ADAM12: variants seen among roughly 807,000 people sequenced by gnomAD.
ADAM12 encodes disintegrin and metalloproteinase domain-containing protein 12.
Under a neutral mutation model 106.4 loss-of-function variants are expected in ADAM12, and 70 were observed. The ratio of observed to expected loss-of-function variants is 0.66; its 90% CI spans 0.54 to 0.80. The LOEUF (loss-of-function observed/expected upper bound fraction) is 0.80. Ranked by LOEUF, ADAM12 falls within the 30% of genes least tolerant of loss-of-function variation. The pLI is 0.00. For missense variants in ADAM12, 1,010 were observed against 1,171.9 expected (o/e 0.86, Z 2.02); for synonymous variants, 420 against 433.5 (o/e 0.97, Z 0.39).
intron 3 of ADAM12, among the ~76,000 whole-genome samples, chr10:126,188,547 CTG>C (rs1443641967): frequency 6.6e-6 from 1 of 152,136 alleles, no homozygotes; most frequent in African/African-American, 2.4e-5. Context: ...AAGGCCTTGT[CTG>C]TGTGTGAACT....
rs199803722 is a variant in ADAM12 at position 126,038,342 on chromosome 10, G to T, written c.2248C>A (p.Arg750Ser). Residue 750 changes from arginine to serine, a missense_variant, in exon 20 of 23, where the codon CGC becomes AGC. This residue lies in a region of ADAM12 where 615 missense variants were observed against 708.5 expected (regional missense o/e 0.87). Transcript: ENST00000448723. ...AAGCCACGGGGTGGCCGGGAAGGGC[G>T]CACACACCTGCAACAGAATCCCATA... ...KTTIEKLRCV[R>S]PSRPPRGFQP... is the part of the protein sequence containing the mutation. The T allele has an allele frequency of 6.3e-7, 1 of 1,588,410 alleles. No homozygotes were observed. The highest frequency in any genetic ancestry group is 8.6e-7 in the Non-Finnish European group (1 of 1,166,172).
chr10:126,369,080 A>G (rs949273688), intron 1 of ADAM12, among the ~76,000 whole-genome samples: 2 of 152,224 alleles, frequency 1.3e-5, no homozygotes, highest in African/African-American at 2.4e-5. Context: ...ACTAATATAT[A>G]CTAACTACCT....
intron 20 of ADAM12, among the ~76,000 whole-genome samples, chr10:126,037,281 TGTGC>T (rs1954077046): frequency 6.4e-5 from 7 of 109,498 alleles, no homozygotes; most frequent in Admixed American, 4.4e-4. Context: ...AAAATAAGGC[TGTGC>T]TTTTTTTTTT....
At chr10:126,264,707 T>C (rs1293730711) in intron 3 of ADAM12, among the ~76,000 whole-genome samples, 2 of 152,198 alleles carry the variant, frequency 1.3e-5, no homozygotes, top group Non-Finnish European at 2.9e-5. Context: ...AGCCTGCTTG[T>C]GAATGAAACG....
chr10:126,313,340 C>A (rs138679525), intron 2 of ADAM12, among the ~76,000 whole-genome samples: 53 of 152,344 alleles, frequency 3.5e-4, no homozygotes, highest in African/African-American at 1.2e-3. Flanking sequence ...CTTCTGCCTT[C>A]TTCTATTGGT....
intron 21 of ADAM12, among the ~76,000 whole-genome samples, chr10:126,023,909 A>G (rs1281387297): frequency 1.1e-4 from 6 of 52,772 alleles, no homozygotes; most frequent in African/African-American, 4.2e-4. Context: ...GAACTCATGG[A>G]AAAAAAAAAA....
chr10:126,187,476 G>A (rs1314017342), intron 3 of ADAM12, among the ~76,000 whole-genome samples: 2 of 152,314 alleles, frequency 1.3e-5, no homozygotes. Context: ...GGGGTGCCCA[G>A]CAAGTGGCTG....
chr10:126,245,513 C>A (rs1013626392), intron 3 of ADAM12, among the ~76,000 whole-genome samples: 1 of 152,056 alleles, frequency 6.6e-6, no homozygotes, highest in African/African-American at 2.4e-5. Flanking sequence ...GGGCAGTGGG[C>A]AGGAGGTCGG....
chr10:126,057,983 G>T (rs1040591659), intron 14 of ADAM12, among the ~76,000 whole-genome samples: 1 of 152,196 alleles, frequency 6.6e-6, no homozygotes, highest in Non-Finnish European at 1.5e-5. Flanking sequence ...CATCCCACAG[G>T]TTATATGATC....
At chr10:126,359,191 T>G (rs1323542858) in intron 1 of ADAM12, among the ~76,000 whole-genome samples, 1 of 152,130 alleles carries the variant, frequency 6.6e-6, no homozygotes, top group Non-Finnish European at 1.5e-5. Context: ...CCACAACACA[T>G]GGGAATTCAA....
intron 1 of ADAM12, among the ~76,000 whole-genome samples, chr10:126,352,834 G>A (rs947396520): frequency 4.6e-5 from 7 of 152,234 alleles, no homozygotes; most frequent in African/African-American, 1.7e-4. Flanking sequence ...TGGCAGTGAT[G>A]TGATCCAGAT....
At chr10:126,289,859 T>C (rs1022298191) in intron 2 of ADAM12, among the ~76,000 whole-genome samples, 1 of 152,162 alleles carries the variant, frequency 6.6e-6, no homozygotes, top group Admixed American at 6.5e-5. Flanking sequence ...GAAAATGGGA[T>C]AACAAAACGC....
At chr10:126,164,994 C>T (rs1172390271) in intron 3 of ADAM12, among the ~76,000 whole-genome samples, 2 of 152,162 alleles carry the variant, frequency 1.3e-5, no homozygotes, top group Non-Finnish European at 2.9e-5. Context: ...ATTTATGCTT[C>T]TTTTTTATGG....
intron 3 of ADAM12, among the ~76,000 whole-genome samples, chr10:126,188,013 G>A (rs2133796559): frequency 6.6e-6 from 1 of 152,260 alleles, no homozygotes; most frequent in African/African-American, 2.4e-5. Flanking sequence ...CTGCAAAGAG[G>A]AAGTGCAGGT....
At chr10:126,262,918 T>A (rs1287804112) in intron 3 of ADAM12, among the ~76,000 whole-genome samples, 3 of 152,108 alleles carry the variant, frequency 2.0e-5, no homozygotes, top group Non-Finnish European at 4.4e-5. Flanking sequence ...GAGCACACAC[T>A]TCCCCCAGAT....
intron 2 of ADAM12, among the ~76,000 whole-genome samples, chr10:126,305,985 T>C (rs916812926): frequency 6.6e-6 from 1 of 152,062 alleles, no homozygotes; most frequent in Non-Finnish European, 1.5e-5. Context: ...CATTTCTGTA[T>C]GTATTGACAT....
intron 1 of ADAM12, among the ~76,000 whole-genome samples, chr10:126,334,115 G>A (rs72828747): frequency 0.012 from 1,768 of 152,098 alleles, 27 homozygotes; most frequent in Non-Finnish European, 0.016. Context: ...TTATTTCACT[G>A]CACGGATAGA....
At chr10:126,031,971 T>C (rs977122851) in intron 21 of ADAM12, among the ~76,000 whole-genome samples, 18 of 152,202 alleles carry the variant, frequency 1.2e-4, no homozygotes. Context: ...AAGGGTCCTT[T>C]TACCATGAAG....
intron 11 of ADAM12, among the ~76,000 whole-genome samples, chr10:126,086,043 C>T (rs1298425): frequency 0.7 from 106,889 of 152,094 alleles, 38,087 homozygotes; most frequent in East Asian, 0.82. Context: ...AGGATTTCAG[C>T]TGAAATGTTT....
Sources: gnomAD v4.1 joint callset for allele counts (sites outside exome capture counted in the v4.1 genomes callset) on GRCh38, gnomAD v4.1.1 for gene constraint, gnomAD v4.1.1 regional missense constraint, MANE v1.5 for transcripts, NCBI Gene and HGNC (gene_info 2026-07-23, HGNC 2026-07-21) for gene names.